MSX1: variants seen among roughly 807,000 people sequenced by gnomAD.
MSX1 encodes the protein msh homeobox 1, also known as homeobox protein MSX-1.
Under a neutral mutation model 17.0 loss-of-function variants are expected in MSX1, and 11 were observed. The ratio of observed to expected loss-of-function variants is 0.65; its 90% confidence interval spans 0.41 to 1.07. The LOEUF (loss-of-function observed/expected upper bound fraction) is 1.07, where lower values mean the gene tolerates loss of function less well. Among genes scored for constraint, MSX1 ranks in the 50% least tolerant of loss-of-function variants. MSX1 has a pLI of 0.00. For synonymous variants in MSX1, 253 were observed against 211.8 expected (o/e 1.19, Z -1.69); for missense variants, 477 against 440.1 (o/e 1.08, Z -0.75).
chr4:4,861,973 A>G (rs1737926585), intron 1 of MSX1, among the ~76,000 whole-genome samples: 1 of 152,112 alleles, frequency 6.6e-6, no homozygotes, highest in Non-Finnish European at 1.5e-5. Context: ...ACGCGATCCA[A>G]CAGAGGACTG....
intron 1 of MSX1, 54 bp downstream of exon 1, chr4:4,860,422 G>C: frequency 7.8e-7 from 1 of 1,288,464 alleles, no homozygotes; most frequent in Non-Finnish European, 1.0e-6. Context: ...GGGCCGGGTG[G>C]GGTGTGGGAC....
At chr4:4,860,618 C>G (rs1737892828) in intron 1 of MSX1, among the ~76,000 whole-genome samples, 1 of 152,222 alleles carries the variant, frequency 6.6e-6, no homozygotes, top group Non-Finnish European at 1.5e-5. Context: ...GTCTGGGCAC[C>G]CTGTCCTCCT....
chr4:4,859,839 G>T lies in MSX1; in HGVS notation c.-61G>T, dbSNP rs1449682924. ...CAGAGGCCGGCCGCGCTCCCAGCCC[G>T]CCCGGAGCCCATGCCCGGCGGCTGG... On this transcript the variant is annotated 5_prime_UTR_variant, in exon 1 of 2. Coordinates refer to ENST00000382723, the MANE Select transcript of MSX1 (RefSeq NM_002448.3). 8.7e-6 allele frequency: 12 copies of T among 1,378,712 alleles called. No individual in the cohort carries two copies. Among genetic ancestry groups the T allele is most frequent in the Non-Finnish European group, 1.1e-5 (12 of 1,061,158 alleles). 85.4% of individuals were successfully genotyped at this position (1,378,712 alleles called of 1,614,324 possible).
At position 4,863,126 on chromosome 4, in the gene MSX1, ATG is replaced by A; in HGVS notation, c.897_898del (p.Met299IlefsTer40). 1 of 1,606,866 alleles carries A rather than the reference ATG, an allele frequency of 6.2e-7. No individual in the cohort carries two copies. Among genetic ancestry groups the A allele is most frequent in the Non-Finnish European group, 8.5e-7 (1 of 1,179,510 alleles). On this transcript the variant is annotated frameshift_variant, in exon 2 of 2. Coordinates refer to ENST00000382723, the MANE Select transcript of MSX1 (RefSeq NM_002448.3). LOFTEE classifies it high-confidence loss of function. ...CTACACGGCCCATGTGGGCTACAGC[ATG>A]TACCACCTGACATAGAGGGTCCCAG... Reference protein sequence around the residue: ...GLYTAHVGYSMYHLT With the variant: ...GLYTAHVGYSXYHLT
In MSX1 at chr4:4,859,857, G is replaced by T; in HGVS notation, c.-43G>T. The T allele has an allele frequency of 7.0e-7, 1 of 1,426,608 alleles. No homozygotes were observed. Among genetic ancestry groups the T allele is most frequent in the Non-Finnish European group, 9.2e-7 (1 of 1,086,670 alleles). The allele number at this position is 1,426,608 out of a possible 1,614,324, so 88.4% of individuals were successfully genotyped here. A position where few individuals can be genotyped will look rare whatever the true frequency, so the allele number is the denominator to read the frequency against. ...CCAGCCCGCCCGGAGCCCATGCCCG[G>T]CGGCTGGCCAGTGCTGCGGCAGAAG... On this transcript the variant is annotated 5_prime_UTR_variant, in exon 1 of 2. Transcript: ENST00000382723.
rs776223079 is a variant in MSX1 at position 4,862,743 on chromosome 4, C to T, written c.512C>T (p.Thr171Met). 1 of 1,613,424 alleles carries T rather than the reference C, an allele frequency of 6.2e-7. No homozygotes were observed. Among genetic ancestry groups the T allele is most frequent in the Non-Finnish European group, 8.5e-7 (1 of 1,180,032 alleles). The change falls in exon 2 of 2, where the codon ACG (threonine) becomes ATG (methionine). Residue 171 changes from threonine to methionine, a missense_variant. By Grantham distance (81) the Thr-to-Met change is moderately conservative. This residue lies in a region of MSX1 where 355 missense variants were observed against 306.1 expected (regional missense o/e 1.16). Coordinates refer to ENST00000382723, the MANE Select transcript of MSX1 (RefSeq NM_002448.3). ...GCCTGCACCCTCCGCAAACACAAGA[C>T]GAACCGTAAGCCGCGGACGCCCTTC... The part of the protein sequence containing the change: ...PPACTLRKHK[T>M]NRKPRTPFTT...
intron 1 of MSX1, among the ~76,000 whole-genome samples, chr4:4,861,187 A>T (rs1737908560): frequency 6.6e-6 from 1 of 152,260 alleles, no homozygotes; most frequent in South Asian, 2.1e-4. Context: ...CAATGGCGTG[A>T]TGCTGAGGAA....
At position 4,863,375 on chromosome 4, in the gene MSX1, A is replaced by G. The variant is rs889226857; in HGVS notation, c.*232A>G. On this transcript the variant is annotated 3_prime_UTR_variant, in exon 2 of 2. Transcript: ENST00000382723. The stretch of plus-strand genomic sequence containing the variant: ...GCATTTAGATCTACACTCTCGAGTT[A>G]AAGATGGGGAAACTGAGGGCAGAGA... The G allele has an allele frequency of 1.8e-6, 1 of 544,186 alleles. No homozygotes were observed. Among genetic ancestry groups the G allele is most frequent in the Non-Finnish European group, 3.3e-6 (1 of 304,272 alleles). The allele number at this position is 544,186 out of a possible 1,614,324, so 33.7% of individuals were successfully genotyped here. A position where few individuals can be genotyped will look rare whatever the true frequency, so the allele number is the denominator to read the frequency against.
In MSX1 at chr4:4,862,788, C is replaced by A. The variant is rs1737947469; in HGVS notation, c.557C>A (p.Ala186Glu). 1.2e-6 allele frequency: 2 copies of A among 1,613,412 alleles called. No homozygotes were observed. Among genetic ancestry groups the A allele is most frequent in the Non-Finnish European group, 1.7e-6 (2 of 1,180,002 alleles). Residue 186 changes from alanine (A) to glutamate (E), a missense_variant, in exon 2 of 2, where the codon GCG becomes GAG. Around this residue, in one of 3 missense-constraint regions of MSX1, gnomAD observed 355 missense variants for 306.1 expected, o/e 1.16. Coordinates refer to ENST00000382723, the MANE Select transcript of MSX1 (RefSeq NM_002448.3). ...CCCTTCACCACCGCGCAGCTGCTGG[C>A]GCTGGAGCGCAAGTTCCGCCAGAAG... ...RTPFTTAQLLALERKFRQKQY... is the reference protein window; with the variant it reads ...RTPFTTAQLLELERKFRQKQY...
At position 4,863,923 on chromosome 4, in the gene MSX1, TTAAGCTACAAA is replaced by T. The variant is rs1737992832; in HGVS notation, c.*781_*791del. 2 of 152,598 alleles carry T rather than the reference TTAAGCTACAAA, an allele frequency of 1.3e-5. No individual in the cohort carries two copies. The highest frequency in any genetic ancestry group is 2.9e-5 in the Non-Finnish European group (2 of 68,042). The allele number at this position is 152,598 out of a possible 1,614,324, so 9.5% of individuals were successfully genotyped here. On this transcript the variant is annotated 3_prime_UTR_variant, in exon 2 of 2. Coordinates refer to ENST00000382723, the MANE Select transcript of MSX1 (RefSeq NM_002448.3). ...GCTATATTTGTTAAATAAATTAATT[TTAAGCTACAAA>T]AATTATCTCTTTACTGATTGAGTCT...
intron 1 of MSX1, chr4:4,862,441 T>A: frequency 1.5e-6 from 1 of 674,372 alleles, no homozygotes. Context: ...GATGTGGACA[T>A]CGAGCCTTCA....
rs1306079473 is a variant in MSX1 at position 4,859,993 on chromosome 4, G to T, written c.94G>T (p.Ala32Ser). ...GKPAGGGAGQ[A>S]PSAAAATAAA... ...GCCGGCGGGGGGAGGCGCGGGCCAG[G>T]CCCCCAGCGCCGCCGCGGCCACGGC... is the stretch of plus-strand genomic sequence containing the variant. The change falls in exon 1 of 2, where the codon GCC (alanine) becomes TCC (serine). Residue 32 changes from alanine (A) to serine (S), a missense_variant. By Grantham distance (99) the Ala-to-Ser change is moderately conservative (BLOSUM62 1). Around this residue, in one of 3 missense-constraint regions of MSX1, gnomAD observed 355 missense variants for 306.1 expected, o/e 1.16. Transcript: ENST00000382723. The T allele has an allele frequency of 4.8e-5, 72 of 1,490,822 alleles. No individual in the cohort carries two copies. The highest frequency in any genetic ancestry group is 6.2e-5 in the Non-Finnish European group (70 of 1,121,804). 92.3% of individuals were successfully genotyped at this position (1,490,822 alleles called of 1,614,324 possible).
intron 1 of MSX1, 115 bp from the exon 2 acceptor site, chr4:4,862,586 C>A: frequency 1.6e-6 from 2 of 1,234,264 alleles, no homozygotes; most frequent in Non-Finnish European, 2.4e-6. Context: ...GGCACCGAGG[C>A]ACTTGGCGGC....
In MSX1 at chr4:4,862,985, G is replaced by A. The variant is rs140231550; in HGVS notation, c.754G>A (p.Gly252Ser). ...AKPMLPPAAF[G>S]LSFPLGGPAA... ...GCCCATGCTGCCACCGGCTGCCTTC[G>A]GCCTCTCCTTCCCTCTCGGCGGCCC... The change falls in exon 2 of 2, where the codon GGC becomes AGC. Residue 252 changes from glycine to serine, a missense_variant. Around this residue, in one of 3 missense-constraint regions of MSX1, gnomAD observed 114 missense variants for 106.3 expected, o/e 1.07. Coordinates refer to ENST00000382723, the MANE Select transcript of MSX1 (RefSeq NM_002448.3). 2.4e-5 allele frequency: 38 copies of A among 1,612,940 alleles called. No homozygotes were observed. In the African/African-American group the frequency reaches 4.8e-4, roughly 20 times the overall value.
Position 4,859,975 on chromosome 4 carries a change from G to T in MSX1, c.76G>T (p.Gly26Trp), listed in dbSNP as rs752978243. 23 of 1,489,848 alleles carry T rather than the reference G, an allele frequency of 1.5e-5. No homozygotes were observed. The Middle Eastern group carries it at 1.8e-3, about 115-fold the overall frequency. 92.3% of individuals were successfully genotyped at this position (1,489,848 alleles called of 1,614,324 possible). Residue 26 changes from glycine (G) to tryptophan (W), a missense_variant, in exon 1 of 2, where the codon GGG becomes TGG. Transcript: ENST00000382723. Reference protein sequence around the residue: ...VEDSAFGKPAGGGAGQAPSAA... With the variant: ...VEDSAFGKPAWGGAGQAPSAA... ...GGACTCCGCCTTCGGCAAGCCGGCG[G>T]GGGGAGGCGCGGGCCAGGCCCCCAG...
rs1456398408 is a variant in MSX1 at position 4,859,919 on chromosome 4, T to A, written c.20T>A (p.Met7Lys). Residue 7 changes from methionine (M) to lysine (K), a missense_variant, in exon 1 of 2, where the codon ATG (methionine) becomes AAG (lysine). Met to Lys is a moderately conservative substitution (Grantham distance 95). Around this residue, in one of 3 missense-constraint regions of MSX1, gnomAD observed 355 missense variants for 306.1 expected, o/e 1.16. Coordinates refer to ENST00000382723, the MANE Select transcript of MSX1 (RefSeq NM_002448.3). ...CTCTGCATGGCCCCGGCTGCTGACATGACTTCTTTGCCACTCGGTGTCAAA... is the reference window on the plus strand; with the variant it reads ...CTCTGCATGGCCCCGGCTGCTGACAAGACTTCTTTGCCACTCGGTGTCAAA... MAPAAD[M>K]TSLPLGVKVE... The A allele has an allele frequency of 6.7e-7, 1 of 1,496,724 alleles. No individual in the cohort carries two copies. Among genetic ancestry groups the A allele is most frequent in the Non-Finnish European group, 8.9e-7 (1 of 1,123,836 alleles). 92.7% of individuals were successfully genotyped at this position (1,496,724 alleles called of 1,614,324 possible).
chr4:4,860,432 C>A (rs922621973), intron 1 of MSX1, 64 bp downstream of exon 1: 4 of 1,536,664 alleles, frequency 2.6e-6, no homozygotes, highest in African/African-American at 1.4e-5. Flanking sequence ...GGGTGTGGGA[C>A]CCGAGGGCTC....
chr4:4,862,930 A>C lies in MSX1; in HGVS notation c.699A>C (p.Ala233=). ...RRAKAKRLQE[A]ELEKLKMAAK... is the part of the protein sequence containing the mutation. ...CCAAGGCAAAGAGACTACAAGAGGC[A>C]GAGCTGGAGAAGCTGAAGATGGCCG... The change falls in exon 2 of 2, where the codon GCA becomes GCC. Residue 233 remains alanine, a synonymous_variant. Coordinates refer to ENST00000382723, the MANE Select transcript of MSX1 (RefSeq NM_002448.3). 2 of 1,613,428 alleles carry C rather than the reference A, an allele frequency of 1.2e-6. No individual in the cohort carries two copies. Among genetic ancestry groups the C allele is most frequent in the Non-Finnish European group, 1.7e-6 (2 of 1,180,012 alleles).
At chr4:4,861,781 C>T (rs1162221053) in intron 1 of MSX1, among the ~76,000 whole-genome samples, 1 of 152,188 alleles carries the variant, frequency 6.6e-6, no homozygotes, top group Admixed American at 6.5e-5. Flanking sequence ...CACTGTCCAC[C>T]CTTGAGGTTT....
Sources: gnomAD v4.1 joint callset for allele counts (sites outside exome capture counted in the v4.1 genomes callset) on GRCh38, gnomAD v4.1.1 for gene constraint, gnomAD v4.1.1 regional missense constraint, MANE v1.5 for transcripts, NCBI Gene and HGNC (gene_info 2026-07-23, HGNC 2026-07-21) for gene names.